COLEC11: variants seen among roughly 807,000 people sequenced by gnomAD.
COLEC11 encodes the protein collectin subfamily member 11.
Under a neutral mutation model 27.3 loss-of-function variants are expected in COLEC11, and 20 were observed. The ratio of observed to expected loss-of-function variants is 0.73; its 90% CI spans 0.51 to 1.06. COLEC11 has a LOEUF of 1.06. COLEC11 is among the 50% of genes least tolerant of loss of function. The probability of loss-of-function intolerance (pLI) is 0.00; values close to 1 mark genes in which losing one functional copy is unlikely to be tolerated. For missense variants in COLEC11, 310 were observed against 383.0 expected, an observed-to-expected ratio of 0.81 and a Z score of 1.59; for synonymous variants, 163 against 154.7, an observed-to-expected ratio of 1.05 and a Z score of -0.40.
chr2:3,641,535 A>C (rs2147967688), intron 5 of COLEC11: 1 of 780,184 alleles, frequency 1.3e-6, no homozygotes, highest in African/African-American at 1.8e-5. Context: ...TGAGGAAAGG[A>C]ATCCATCCAC....
chr2:3,595,722 T>G (rs545136810), intron 1 of COLEC11, among the ~76,000 whole-genome samples: 6 of 152,226 alleles, frequency 3.9e-5, no homozygotes, highest in East Asian at 1.9e-4. Flanking sequence ...TAAAACCAAG[T>G]GGGGTCATCT....
rs759654804 is a variant in COLEC11, at chr2:3,626,205, C to G, written c.203-11328C>G. ...CTTGGACAGAACTGGAGCAGAAGCCCCATTTCTAGATGGACGTGGTTTGCT... is the reference window on the plus strand; with the variant it reads ...CTTGGACAGAACTGGAGCAGAAGCCGCATTTCTAGATGGACGTGGTTTGCT... On this transcript the variant is annotated intron_variant, in intron 3 of 6. Coordinates refer to ENST00000349077, the MANE Select transcript of COLEC11 (RefSeq NM_024027.5). 2.2e-4 allele frequency: 204 copies of G among 923,332 alleles called. 1 individual carries two copies. Among genetic ancestry groups the G allele is most frequent in the Middle Eastern group, 6.4e-4 (3 of 4,672 alleles). 57.2% of individuals were successfully genotyped at this position (923,332 alleles called of 1,614,324 possible). A position where few individuals can be genotyped will look rare whatever the true frequency, so the allele number is the denominator to read the frequency against.
chr2:3,617,859 C>T (rs1663891536), intron 3 of COLEC11: 2 of 575,188 alleles, frequency 3.5e-6, no homozygotes, highest in South Asian at 2.2e-5. Context: ...TGCTTAATCT[C>T]TTTTGACTTT....
intron 2 of COLEC11, among the ~76,000 whole-genome samples, chr2:3,607,931 C>G (rs1662861419): frequency 6.6e-6 from 1 of 152,254 alleles, no homozygotes; most frequent in Non-Finnish European, 1.5e-5. Flanking sequence ...TTTCTCCTCT[C>G]TGACTTCCCA....
chr2:3,606,686 G>T (rs569271184), intron 2 of COLEC11, among the ~76,000 whole-genome samples: 2 of 152,226 alleles, frequency 1.3e-5, no homozygotes, highest in Non-Finnish European at 2.9e-5. Context: ...CGTCCAGCAC[G>T]TGCCCCGCGA....
At chr2:3,597,840 G>A (rs939531288) in intron 1 of COLEC11, among the ~76,000 whole-genome samples, 2 of 152,190 alleles carry the variant, frequency 1.3e-5, no homozygotes, top group African/African-American at 4.8e-5. Flanking sequence ...GGGAGACTAC[G>A]GTTATGAGCC....
At chr2:3,642,151 C>T (rs957963822) in intron 5 of COLEC11, among the ~76,000 whole-genome samples, 12 of 152,156 alleles carry the variant, frequency 7.9e-5, no homozygotes, top group East Asian at 5.8e-4. Flanking sequence ...TTCTGGACAC[C>T]GTGCCGTCTG....
intron 3 of COLEC11, among the ~76,000 whole-genome samples, chr2:3,624,143 C>T (rs77535812): frequency 0.017 from 2,575 of 152,264 alleles, 53 homozygotes; most frequent in Non-Finnish European, 0.027. Context: ...CATTAGTTTC[C>T]CCTAGGGCAG....
chr2:3,610,225 G>A (rs557840903), intron 2 of COLEC11, among the ~76,000 whole-genome samples: 3 of 152,340 alleles, frequency 2.0e-5, no homozygotes, highest in South Asian at 4.1e-4. Flanking sequence ...CTCTAGAGTG[G>A]ACATAGTGCC....
chr2:3,619,502 G>A (rs1439289365), intron 3 of COLEC11, among the ~76,000 whole-genome samples: 1 of 152,158 alleles, frequency 6.6e-6, no homozygotes, highest in African/African-American at 2.4e-5. Context: ...TTTGTCAAAC[G>A]TTCTTTCAGC....
At chr2:3,606,347 G>C in intron 2 of COLEC11, 1 of 966,128 alleles carries the variant, frequency 1.0e-6, no homozygotes. Flanking sequence ...AGCTGTCCAC[G>C]TCCTGGGTCC....
chr2:3,642,152 G>A (rs115005012), intron 5 of COLEC11, among the ~76,000 whole-genome samples: 2,745 of 152,294 alleles, frequency 0.018, 54 homozygotes, highest in Non-Finnish European at 0.029. Flanking sequence ...TCTGGACACC[G>A]TGCCGTCTGC....
At chr2:3,642,867 G>A (rs138740573) in intron 5 of COLEC11, among the ~76,000 whole-genome samples, 64 of 152,236 alleles carry the variant, frequency 4.2e-4, no homozygotes, top group Middle Eastern at 3.4e-3. Context: ...TCCCTGAGCC[G>A]TCCCTCACGC....
At chr2:3,632,415 C>T (rs372786526) in intron 3 of COLEC11, among the ~76,000 whole-genome samples, 7 of 152,260 alleles carry the variant, frequency 4.6e-5, no homozygotes, top group Admixed American at 6.5e-5. Context: ...GTCAGGGATC[C>T]GGGTGCCGGC....
chr2:3,604,051 C>T lies in COLEC11; in HGVS notation c.-26-264C>T, dbSNP rs117898198. 1.1e-3 allele frequency: 632 copies of T among 579,356 alleles called. 4 individuals are homozygous for T. Among genetic ancestry groups the T allele is most frequent in the African/African-American group, 0.011 (567 of 53,610 alleles). 35.9% of individuals were successfully genotyped at this position (579,356 alleles called of 1,614,324 possible). A position where few individuals can be genotyped will look rare whatever the true frequency, so the allele number is the denominator to read the frequency against. On this transcript the variant is annotated intron_variant, in intron 1 of 6. Coordinates refer to ENST00000349077, the MANE Select transcript of COLEC11 (RefSeq NM_024027.5). Reference sequence around the variant, plus strand: ...ATCAGATCGAACTCCTTGGGGTGGGCGAGCCGTAGGCCTTCAATCAAGGCT... The same window carrying T: ...ATCAGATCGAACTCCTTGGGGTGGGTGAGCCGTAGGCCTTCAATCAAGGCT...
rs56007319 is a variant in COLEC11 at position 3,615,001 on chromosome 2, A to G, written c.202+1619A>G. ...CAAGAATTCTACACCCAGCTAAACT[A>G]TCCATCAAGGCTGAGAGCAGAATAA... On this transcript the variant is annotated intron_variant, in intron 3 of 6. Transcript: ENST00000349077. Among the ~76,000 whole-genome samples the G allele has an allele frequency of 8.8e-3, 1,338 of 152,310 alleles. 20 individuals carry two copies. The highest frequency in any genetic ancestry group is 0.031 in the African/African-American group (1,269 of 41,562).
intron 3 of COLEC11, among the ~76,000 whole-genome samples, chr2:3,614,836 TAAAAAC>T (rs1008152572): frequency 7.4e-4 from 113 of 152,290 alleles, no homozygotes; most frequent in African/African-American, 2.7e-3. Flanking sequence ...AACACAAAGA[TAAAAAC>T]AAAATCCAAA....
intron 3 of COLEC11, 91 bp downstream of exon 3, chr2:3,613,473 C>T: frequency 7.4e-7 from 1 of 1,346,422 alleles, no homozygotes. Flanking sequence ...GTGGTGGTTC[C>T]AGAGAGGACA....
At chr2:3,600,096 G>A (rs1662109909) in intron 1 of COLEC11, among the ~76,000 whole-genome samples, 1 of 152,032 alleles carries the variant, frequency 6.6e-6, no homozygotes, top group Non-Finnish European at 1.5e-5. Context: ...TTAGCCAGGC[G>A]TGGTGGCGGG....
Sources: allele counts gnomAD v4.1 joint callset (sites outside exome capture counted in the v4.1 genomes callset), GRCh38; gene constraint gnomAD v4.1.1; transcripts MANE v1.5; gene names NCBI Gene and HGNC (gene_info 2026-07-23, HGNC 2026-07-21).